TRIM71: variants seen among roughly 807,000 people sequenced by gnomAD.
TRIM71 encodes the protein E3 ubiquitin-protein ligase TRIM71.
Under a neutral mutation model 61.2 loss-of-function variants are expected in TRIM71, and 9 were observed. That is an observed-to-expected ratio of 0.15 (90% confidence interval 0.09 to 0.26). The LOEUF (loss-of-function observed/expected upper bound fraction) is 0.26, where lower values mean the gene tolerates loss of function less well. Ranked by LOEUF, TRIM71 falls within the 10% of genes least tolerant of loss-of-function variation. TRIM71 has a pLI of 1.00. For missense variants in TRIM71, 998 were observed against 1,238.7 expected, an observed-to-expected ratio of 0.81 and a Z score of 2.92; for synonymous variants, 645 against 553.2, an observed-to-expected ratio of 1.17 and a Z score of -2.33.
intron 1 of TRIM71, 76 bp from the exon 2 acceptor site, chr3:32,873,742 G>A (rs1455540289): frequency 1.2e-5 from 16 of 1,360,042 alleles, no homozygotes; most frequent in Non-Finnish European, 1.6e-5. Flanking sequence ...TGAGAGCCAG[G>A]GCCCTCCAGT....
chr3:32,864,696 A>T (rs1333297246), intron 1 of TRIM71, among the ~76,000 whole-genome samples: 1 of 152,230 alleles, frequency 6.6e-6, no homozygotes, highest in African/African-American at 2.4e-5. Context: ...GCTCAGGCTC[A>T]GGTCCGGTGT....
At chr3:32,879,195 CT>C (rs1696880923) in intron 2 of TRIM71, among the ~76,000 whole-genome samples, 1 of 152,242 alleles carries the variant, frequency 6.6e-6, no homozygotes, top group South Asian at 2.1e-4. Context: ...CAGGATTAGA[CT>C]TTGGCTTAAG....
At chr3:32,884,105 T>C (rs1409077315) in intron 2 of TRIM71, among the ~76,000 whole-genome samples, 2 of 152,204 alleles carry the variant, frequency 1.3e-5, no homozygotes, top group East Asian at 3.9e-4. Flanking sequence ...TCACGGGTGG[T>C]GTGCTTTTTT....
chr3:32,835,783 CCT>C (rs1696328304), intron 1 of TRIM71, among the ~76,000 whole-genome samples: 1 of 151,730 alleles, frequency 6.6e-6, no homozygotes, highest in African/African-American at 2.4e-5. Flanking sequence ...AATATATAAA[CCT>C]ATTTTGTTTG....
At position 32,891,865 on chromosome 3, in the gene TRIM71, TC is replaced by T. The variant is rs1264115467; in HGVS notation, c.*55del. ...GTGTGTGTGCGTGTCTCTCTCTCTC[TC>T]TCTCTCTTTCTCTTTCTCTCTCTTT... On this transcript the variant is annotated 3_prime_UTR_variant, in exon 4 of 4. Transcript: ENST00000383763. The surrounding 1 kb of genome is among the most constrained non-coding windows in gnomAD (Gnocchi z 8.2). 2.9e-5 allele frequency: 45 copies of T among 1,560,888 alleles called. No homozygotes were observed. The highest frequency in any genetic ancestry group is 1.1e-4 in the South Asian group (9 of 84,126).
intron 1 of TRIM71, among the ~76,000 whole-genome samples, chr3:32,843,413 C>G (rs375610753): frequency 1.3e-5 from 2 of 152,276 alleles, no homozygotes; most frequent in African/African-American, 4.8e-5. Flanking sequence ...TTGCCCAGCT[C>G]TTGGGACAGG....
At position 32,818,177 on chromosome 3, in the gene TRIM71, T is replaced by C; in HGVS notation, c.97T>C (p.Ser33Pro). Residue 33 changes from serine (S) to proline (P), a missense_variant, in exon 1 of 4, where the codon TCG becomes CCG. Transcript: ENST00000383763. Reference protein sequence around the residue: ...APLSSNSSASSSSSQTSTSSG... With the variant: ...APLSSNSSASPSSSQTSTSSG... ...GCTCTCCTCCAACTCGTCCGCGTCG[T>C]CGTCCTCCTCGCAGACGTCCACGTC... 1.2e-6 allele frequency: 2 copies of C among 1,600,092 alleles called. No individual in the cohort carries two copies. Among genetic ancestry groups the C allele is most frequent in the Non-Finnish European group, 1.7e-6 (2 of 1,174,558 alleles).
chr3:32,824,906 A>G (rs1343923723), intron 1 of TRIM71, among the ~76,000 whole-genome samples: 4 of 150,420 alleles, frequency 2.7e-5, no homozygotes, highest in African/African-American at 9.8e-5. Context: ...GCAATTCTTC[A>G]GCCTCAGCCT....
chr3:32,858,453 A>C (rs531546990), intron 1 of TRIM71, among the ~76,000 whole-genome samples: 42 of 152,320 alleles, frequency 2.8e-4, no homozygotes, highest in African/African-American at 9.9e-4. Flanking sequence ...ACACTTGACT[A>C]TGAGGCCAGG....
intron 1 of TRIM71, among the ~76,000 whole-genome samples, chr3:32,838,043 T>C (rs1696355077): frequency 1.3e-5 from 2 of 152,174 alleles, no homozygotes; most frequent in Admixed American, 1.3e-4. Context: ...ATTGAGCATC[T>C]GCCATGTGCC....
chr3:32,867,156 A>C (rs887384827), intron 1 of TRIM71, among the ~76,000 whole-genome samples: 2 of 151,354 alleles, frequency 1.3e-5, no homozygotes, highest in Non-Finnish European at 2.9e-5. Context: ...GTTCTTGGAC[A>C]CTCCCACTTT....
chr3:32,884,358 A>C (rs535043955), intron 2 of TRIM71, among the ~76,000 whole-genome samples: 9 of 152,254 alleles, frequency 5.9e-5, no homozygotes, highest in African/African-American at 1.9e-4. Flanking sequence ...AATATTCATA[A>C]AAATAAGGTA....
intron 2 of TRIM71, among the ~76,000 whole-genome samples, chr3:32,879,217 G>A (rs1696882193): frequency 6.6e-6 from 1 of 152,196 alleles, no homozygotes; most frequent in Admixed American, 6.5e-5. Context: ...GAGATGTTAT[G>A]GCTGGTTTGA....
intron 1 of TRIM71, among the ~76,000 whole-genome samples, chr3:32,822,582 G>A (rs1006739665): frequency 3.9e-5 from 6 of 152,166 alleles, no homozygotes. Context: ...TTCAGCACCA[G>A]TGTATATTAT....
At chr3:32,866,701 A>G (rs56286647) in intron 1 of TRIM71, among the ~76,000 whole-genome samples, 1,546 of 152,150 alleles carry the variant, frequency 0.01, 30 homozygotes, top group African/African-American at 0.035. Flanking sequence ...GGCCTGTGTG[A>G]TTGTGGGGCC....
chr3:32,826,398 A>G (rs1005184091), intron 1 of TRIM71, among the ~76,000 whole-genome samples: 12 of 152,170 alleles, frequency 7.9e-5, no homozygotes, highest in African/African-American at 2.7e-4. Flanking sequence ...GGATCATGCT[A>G]TTGCACTCCA....
At chr3:32,840,256 TG>T (rs1696389035) in intron 1 of TRIM71, among the ~76,000 whole-genome samples, 1 of 151,920 alleles carries the variant, frequency 6.6e-6, no homozygotes, top group African/African-American at 2.4e-5. Context: ...TCCTTTTTGC[TG>T]GGGATCTCTG....
chr3:32,832,348 CTGGAGGAG>C (rs1696281700), intron 1 of TRIM71, among the ~76,000 whole-genome samples: 1 of 152,092 alleles, frequency 6.6e-6, no homozygotes, highest in African/African-American at 2.4e-5. Context: ...GTCCCAGCTA[CTGGAGGAG>C]TGGAGAGGGC....
At chr3:32,860,431 C>T (rs1325849093) in intron 1 of TRIM71, among the ~76,000 whole-genome samples, 1 of 152,112 alleles carries the variant, frequency 6.6e-6, no homozygotes, top group African/African-American at 2.4e-5. Context: ...GCTGGGATTA[C>T]AGACGTGAGC....
Sources: allele counts gnomAD v4.1 joint callset (sites outside exome capture counted in the v4.1 genomes callset), GRCh38; gene constraint gnomAD v4.1.1; non-coding constraint Gnocchi (gnomAD v3.1); transcripts MANE v1.5; gene names NCBI Gene and HGNC (gene_info 2026-07-23, HGNC 2026-07-21).